EPRS1: variants seen among roughly 807,000 people sequenced by gnomAD.
EPRS1 encodes bifunctional glutamate/proline--tRNA ligase.
EPRS1 carries 107 observed loss-of-function variants against 188.3 expected under a neutral mutation model. That is an observed-to-expected ratio of 0.57 (90% CI 0.49 to 0.67). The LOEUF (loss-of-function observed/expected upper bound fraction) is 0.67, where lower values mean the gene tolerates loss of function less well. Among genes scored for constraint, EPRS1 ranks in the 30% least tolerant of loss-of-function variants. The probability of loss-of-function intolerance (pLI) is 0.00; values close to 1 mark genes in which losing one functional copy is unlikely to be tolerated. For missense variants in EPRS1, 1,577 were observed against 1,802.2 expected, an observed-to-expected ratio of 0.88 and a Z score of 2.26; for synonymous variants, 596 against 593.1, an observed-to-expected ratio of 1.00 and a Z score of -0.07.
chr1:220,006,000 T>C, intron 15 of EPRS1, 106 bp downstream of exon 15: 1 of 604,886 alleles, frequency 1.7e-6, no homozygotes, highest in Non-Finnish European at 2.8e-6. Context: ...AATAAAATTC[T>C]ACACATCTTA....
At chr1:220,010,843 T>G in intron 13 of EPRS1, 103 bp downstream of exon 13, 1 of 652,118 alleles carries the variant, frequency 1.5e-6, no homozygotes, top group East Asian at 2.8e-5. Flanking sequence ...AGAAAGAAAA[T>G]CATCTCAAAA....
intron 4 of EPRS1, 140 bp from the exon 5 acceptor site, chr1:220,032,666 C>A: frequency 1.2e-6 from 1 of 813,326 alleles, no homozygotes; most frequent in Non-Finnish European, 2.0e-6. Flanking sequence ...TCTGGATATA[C>A]ACTGAACTGT....
chr1:219,982,226 A>G (rs1660913353), intron 23 of EPRS1, among the ~76,000 whole-genome samples: 1 of 152,200 alleles, frequency 6.6e-6, no homozygotes, highest in African/African-American at 2.4e-5. Flanking sequence ...TTCCAACAGC[A>G]TTTCCATTTA....
At chr1:220,018,398 T>C (rs777748140) in intron 12 of EPRS1, 51 bp downstream of exon 12, 14 of 1,352,478 alleles carry the variant, frequency 1.0e-5, no homozygotes, top group Non-Finnish European at 1.4e-5. Context: ...TACTTGTACA[T>C]TATTTGGGAC....
chr1:220,017,501 A>G (rs1661744489), intron 12 of EPRS1, among the ~76,000 whole-genome samples: 1 of 152,258 alleles, frequency 6.6e-6, no homozygotes, highest in Non-Finnish European at 1.5e-5. Context: ...CTGCAGCAAC[A>G]GCAAGAACCA....
Position 219,981,471 on chromosome 1 carries a change from GA to G in EPRS1, c.3374-15del. The G allele has an allele frequency of 1.3e-6, 2 of 1,548,716 alleles. No individual in the cohort carries two copies. Among genetic ancestry groups the G allele is most frequent in the South Asian group, 1.2e-5 (1 of 83,094 alleles). On this transcript the variant is annotated splice_polypyrimidine_tract_variant and intron_variant, in intron 23 of 31. Coordinates refer to ENST00000366923, the MANE Select transcript of EPRS1 (RefSeq NM_004446.3). ...CAGGATACATTACTGAAAGACACGG[GA>G]AAATAGAGACAGTCATTTAAGGCTT...
intron 6 of EPRS1, 22 bp from the exon 7 acceptor site, chr1:220,025,280 A>G: frequency 3.2e-6 from 5 of 1,568,040 alleles, no homozygotes; most frequent in Non-Finnish European, 4.3e-6. Flanking sequence ...ACATTTCACA[A>G]AGAAACTCAT....
Position 219,969,155 on chromosome 1 carries a change from A to G in EPRS1, c.4324-33T>C, listed in dbSNP as rs569194394. On this transcript the variant is annotated intron_variant, in intron 30 of 31. Transcript: ENST00000366923. ...AGAAAAGGAAAAGTAATCAGTATTT[A>G]TAACTCCTTCAATTCTATTCTGCAG... 32 of 1,387,348 alleles carry G rather than the reference A, an allele frequency of 2.3e-5. No individual in the cohort carries two copies. In the East Asian group the frequency reaches 7.3e-4, roughly 32 times the overall value. The allele number at this position is 1,387,348 out of a possible 1,614,324, so 85.9% of individuals were successfully genotyped here.
chr1:219,971,701 AACTT>A (rs1014094845), intron 30 of EPRS1, among the ~76,000 whole-genome samples: 26 of 149,758 alleles, frequency 1.7e-4, no homozygotes, highest in African/African-American at 5.9e-4. Context: ...GGGAAAAAAA[AACTT>A]ACATAATCAG....
intron 7 of EPRS1, 148 bp downstream of exon 7, chr1:220,024,984 T>C: frequency 1.3e-6 from 1 of 741,706 alleles, no homozygotes; most frequent in Non-Finnish European, 2.3e-6. Context: ...TCGACATTTC[T>C]TGGCTTAGGT....
intron 16 of EPRS1, among the ~76,000 whole-genome samples, chr1:220,004,186 C>T (rs1661414953): frequency 6.6e-6 from 1 of 152,010 alleles, no homozygotes; most frequent in African/African-American, 2.4e-5. Context: ...TACCACCATG[C>T]CTGGTTAATT....
Position 220,018,850 on chromosome 1 carries a change from T to A in EPRS1, c.1434+145A>T, listed in dbSNP as rs867543686. On this transcript the variant is annotated intron_variant, in intron 11 of 31. Coordinates refer to ENST00000366923, the MANE Select transcript of EPRS1 (RefSeq NM_004446.3). Reference sequence around the variant, plus strand: ...ACTTTAAAAAAAAAAAAGTTTGTTTTAAAAAAAAAAAAAAAATCTGCCCTT... The same window carrying A: ...ACTTTAAAAAAAAAAAAGTTTGTTTAAAAAAAAAAAAAAAAATCTGCCCTT... 408 of 357,526 alleles carry A rather than the reference T, an allele frequency of 1.1e-3. 3 individuals carry two copies. The highest frequency in any genetic ancestry group is 9.1e-3 in the African/African-American group (360 of 39,398). 22.1% of individuals were successfully genotyped at this position (357,526 alleles called of 1,614,324 possible). A position where few individuals can be genotyped will look rare whatever the true frequency, so the allele number is the denominator to read the frequency against.
In EPRS1 at chr1:220,020,187, C is replaced by T; in HGVS notation, c.1150G>A (p.Val384Ile). 2 of 1,613,678 alleles carry T rather than the reference C, an allele frequency of 1.2e-6. No individual in the cohort carries two copies. Among genetic ancestry groups the T allele is most frequent in the Non-Finnish European group, 1.7e-6 (2 of 1,179,816 alleles). The change falls in exon 10 of 32, where the codon GTT becomes ATT. Residue 384 changes from valine to isoleucine, a missense_variant. By Grantham distance (29) the Val-to-Ile change is conservative. Transcript: ENST00000366923. The part of the protein sequence containing the change: ...YPTYDFACPI[V>I]DSIEGVTHAL... The stretch of plus-strand genomic sequence containing the variant: ...TGTGTAACACCTTCGATGCTGTCAA[C>T]TATGGGGCAGGCAAAATCATATGTT...
chr1:220,014,646 C>G (rs1661666782), intron 12 of EPRS1, among the ~76,000 whole-genome samples: 1 of 152,200 alleles, frequency 6.6e-6, no homozygotes, highest in African/African-American at 2.4e-5. Context: ...TTCAATGAAG[C>G]CCCTCTGGGA....
intron 28 of EPRS1, among the ~76,000 whole-genome samples, 184 bp downstream of exon 28, chr1:219,978,362 G>A (rs1660817963): frequency 6.6e-6 from 1 of 152,038 alleles, no homozygotes; most frequent in Admixed American, 6.6e-5. Context: ...TTTAAATTTA[G>A]GTATCACTAT....
chr1:220,034,175 G>C (rs972147192), intron 3 of EPRS1, among the ~76,000 whole-genome samples: 2 of 152,182 alleles, frequency 1.3e-5, no homozygotes, highest in Non-Finnish European at 2.9e-5. Flanking sequence ...ATGACAGACT[G>C]CATATATGAC....
intron 28 of EPRS1, among the ~76,000 whole-genome samples, chr1:219,973,814 A>G (rs1339485875): frequency 6.6e-6 from 1 of 152,220 alleles, no homozygotes; most frequent in African/African-American, 2.4e-5. Flanking sequence ...TCTCTGGTTG[A>G]AAAGTCCTCA....
In EPRS1 at chr1:219,980,188, A is replaced by G; in HGVS notation, c.3608T>C (p.Ile1203Thr). ...YAQVYEELLA[I>T]PVVKGRKTEK... is the part of the protein sequence containing the mutation. ...CGTCTTTCTTCCTTTAACAACAGGA[A>G]TTGCCAGGAGTTCTTCATATACCTG... is the stretch of plus-strand genomic sequence containing the variant. The change falls in exon 26 of 32, where the codon ATT (isoleucine) becomes ACT (threonine). Residue 1203 changes from isoleucine to threonine, a missense_variant. This residue lies in a region of EPRS1 where 1,278 missense variants were observed against 1,457.4 expected (regional missense o/e 0.88). Coordinates refer to ENST00000366923, the MANE Select transcript of EPRS1 (RefSeq NM_004446.3). The G allele has an allele frequency of 6.2e-7, 1 of 1,613,506 alleles. No individual in the cohort carries two copies. Among genetic ancestry groups the G allele is most frequent in the Non-Finnish European group, 8.5e-7 (1 of 1,179,600 alleles).
At chr1:220,005,183 TA>T in intron 16 of EPRS1, 64 bp downstream of exon 16, 1 of 625,102 alleles carries the variant, frequency 1.6e-6, no homozygotes, top group South Asian at 3.1e-5. Context: ...GTTCAATTTC[TA>T]AAATATTACT....
Sources: gnomAD v4.1 joint callset for allele counts (sites outside exome capture counted in the v4.1 genomes callset) on GRCh38, gnomAD v4.1.1 for gene constraint, gnomAD v4.1.1 regional missense constraint, MANE v1.5 for transcripts, NCBI Gene and HGNC (gene_info 2026-07-23, HGNC 2026-07-21) for gene names.